The following ACSS3 variants were observed in gnomAD, a reference collection of about 807,000 sequenced individuals.
ACSS3 encodes acyl-CoA synthetase short chain family member 3.
ACSS3 carries 64 observed loss-of-function variants against 84.2 expected under a neutral mutation model. That is an observed-to-expected ratio of 0.76 (90% CI 0.62 to 0.94). ACSS3 has a LOEUF of 0.94. Ranked by LOEUF, ACSS3 falls within the 40% of genes least tolerant of loss-of-function variation. The pLI is 0.00. For synonymous variants in ACSS3, 317 were observed against 310.1 expected, an observed-to-expected ratio of 1.02 and a Z score of -0.23; for missense variants, 815 against 867.6, an observed-to-expected ratio of 0.94 and a Z score of 0.76.
intron 13 of ACSS3, among the ~76,000 whole-genome samples, chr12:81,236,678 T>C (rs1233001472): frequency 4.0e-5 from 6 of 151,472 alleles, no homozygotes; most frequent in Non-Finnish European, 7.4e-5. Flanking sequence ...TTATTCTTTT[T>C]GATTCTTCTC....
intron 1 of ACSS3, among the ~76,000 whole-genome samples, chr12:81,085,238 G>T (rs988591962): frequency 4.6e-5 from 7 of 152,170 alleles, no homozygotes; most frequent in African/African-American, 1.7e-4. Flanking sequence ...GAAACAGGTT[G>T]CAAAAGTCTC....
Position 81,169,914 on chromosome 12 carries a change from C to T in ACSS3, c.1099-4874C>T, listed in dbSNP as rs1458418398. Among the ~76,000 whole-genome samples, 6 of 152,086 alleles carry T rather than the reference C, an allele frequency of 3.9e-5. No homozygotes were observed. The East Asian group carries it at 1.2e-3, about 29-fold the overall frequency. ...CGATAAAGGATGCTGCTGTCTTCAC[C>T]TTAGAACTGCTGTGGAAACATTCCT... On this transcript the variant is annotated intron_variant, in intron 7 of 15. Coordinates refer to ENST00000548058, the MANE Select transcript of ACSS3 (RefSeq NM_024560.4).
At chr12:81,082,030 C>A (rs1350784215) in intron 1 of ACSS3, among the ~76,000 whole-genome samples, 2 of 152,222 alleles carry the variant, frequency 1.3e-5, no homozygotes, top group African/African-American at 4.8e-5. Context: ...ACTCACCACA[C>A]AGCAGCGTGA....
In ACSS3 at chr12:81,152,108, A is replaced by C; in HGVS notation, c.1098+12A>C. On this transcript the variant is annotated intron_variant, in intron 7 of 15. Transcript: ENST00000548058. Reference sequence around the variant, plus strand: ...CAGTTTTATATGAGGTAATAAAGTAAAGTTAATACCACATATAAATGATAT... The same window carrying C: ...CAGTTTTATATGAGGTAATAAAGTACAGTTAATACCACATATAAATGATAT... The C allele has an allele frequency of 6.3e-7, 1 of 1,582,824 alleles. No individual in the cohort carries two copies. Among genetic ancestry groups the C allele is most frequent in the Non-Finnish European group, 8.7e-7 (1 of 1,154,790 alleles).
In ACSS3 at chr12:81,259,743, C is replaced by T; in HGVS notation, c.*4821C>T. 1.6e-6 allele frequency: 2 copies of T among 1,228,606 alleles called. No individual in the cohort carries two copies. Among genetic ancestry groups the T allele is most frequent in the Non-Finnish European group, 2.3e-6 (2 of 874,616 alleles). 76.1% of individuals were successfully genotyped at this position (1,228,606 alleles called of 1,614,324 possible). On this transcript the variant is annotated 3_prime_UTR_variant, in exon 16 of 16. Transcript: ENST00000548058. ...ATTCTACTCCTCTGTGGTGTACCTC[C>T]ACGCAGCCTGCTTACTCCTGTCCTA...
chr12:81,128,452 A>G (rs1885261139), intron 2 of ACSS3, among the ~76,000 whole-genome samples: 1 of 152,124 alleles, frequency 6.6e-6, no homozygotes, highest in Non-Finnish European at 1.5e-5. Flanking sequence ...TAATTCACAC[A>G]TTGGTAGCAT....
chr12:81,247,984 T>C (rs2034037187), intron 13 of ACSS3, among the ~76,000 whole-genome samples: 1 of 152,070 alleles, frequency 6.6e-6, no homozygotes, highest in African/African-American at 2.4e-5. Context: ...ACTTTTCCAG[T>C]TTCCCTAAGT....
At chr12:81,248,042 A>G (rs1032770486) in intron 13 of ACSS3, among the ~76,000 whole-genome samples, 51 of 152,208 alleles carry the variant, frequency 3.4e-4, no homozygotes, top group African/African-American at 1.2e-3. Context: ...TGTGTAAGTT[A>G]TTGTTAGAAA....
At position 81,186,780 on chromosome 12, in the gene ACSS3, A is replaced by G. The variant is rs150066226; in HGVS notation, c.1250+11841A>G. On this transcript the variant is annotated intron_variant, in intron 8 of 15. Coordinates refer to ENST00000548058, the MANE Select transcript of ACSS3 (RefSeq NM_024560.4). ...CTTGAGAATGTAGATTGTTACAGCCATTTTAGAAAACAGTATGGAGGTTTC... is the reference window on the plus strand; with the variant it reads ...CTTGAGAATGTAGATTGTTACAGCCGTTTTAGAAAACAGTATGGAGGTTTC... Among the ~76,000 whole-genome samples the G allele has an allele frequency of 2.7e-3, 418 of 152,010 alleles. 4 individuals carry two copies. Among genetic ancestry groups the G allele is most frequent in the African/African-American group, 9.7e-3 (404 of 41,548 alleles).
chr12:81,243,763 G>A (rs1293343323), intron 13 of ACSS3, among the ~76,000 whole-genome samples: 2 of 152,060 alleles, frequency 1.3e-5, no homozygotes. Context: ...TTCCTCCCTT[G>A]TAGCTCTTGT....
intron 7 of ACSS3, among the ~76,000 whole-genome samples, chr12:81,157,896 A>C (rs1886960228): frequency 6.6e-6 from 1 of 151,796 alleles, no homozygotes; most frequent in African/African-American, 2.4e-5. Context: ...CTTTATTTGC[A>C]GATGGCATGA....
At chr12:81,171,447 T>G (rs1365603008) in intron 7 of ACSS3, among the ~76,000 whole-genome samples, 1 of 152,090 alleles carries the variant, frequency 6.6e-6, no homozygotes, top group Admixed American at 6.6e-5. Context: ...TAAGTTAATT[T>G]TAAATAGGAA....
intron 7 of ACSS3, among the ~76,000 whole-genome samples, chr12:81,164,687 A>G (rs1887317845): frequency 6.6e-6 from 1 of 152,170 alleles, no homozygotes; most frequent in South Asian, 2.1e-4. Context: ...TTTCACATGT[A>G]CACCTTCTGA....
At chr12:81,226,015 C>A (rs2033261475) in intron 11 of ACSS3, among the ~76,000 whole-genome samples, 1 of 151,918 alleles carries the variant, frequency 6.6e-6, no homozygotes, top group Admixed American at 6.6e-5. Flanking sequence ...ATATACATCT[C>A]CTTCCAATCG....
rs757357283 is a variant in ACSS3 at position 81,151,854 on chromosome 12, G to C, written c.932G>C (p.Arg311Thr). ...GTTGLPKGVI[R>T]PTGGYAVMLH... is the part of the protein sequence containing the mutation. ...TTTTTCTCTCCTTAGGGTGTGATTA[G>C]GCCCACTGGGGGATACGCTGTCATG... is the stretch of plus-strand genomic sequence containing the variant. Residue 311 changes from arginine (R) to threonine (T), a missense_variant, in exon 6 of 16, where the codon AGG becomes ACG. By Grantham distance (71) the Arg-to-Thr change is moderately conservative. Transcript: ENST00000548058. 9.9e-6 allele frequency: 16 copies of C among 1,613,290 alleles called. No homozygotes were observed. The highest frequency in any genetic ancestry group is 6.7e-5 in the Admixed American group (4 of 59,982).
At chr12:81,198,670 C>A (rs1024216775) in intron 8 of ACSS3, among the ~76,000 whole-genome samples, 1 of 151,048 alleles carries the variant, frequency 6.6e-6, no homozygotes, top group Admixed American at 6.6e-5. Context: ...TTTCCTATTT[C>A]GTTTTTTCCA....
At chr12:81,226,466 C>G (rs966897075) in intron 11 of ACSS3, among the ~76,000 whole-genome samples, 1 of 151,846 alleles carries the variant, frequency 6.6e-6, no homozygotes, top group Non-Finnish European at 1.5e-5. Flanking sequence ...GTGAGCATAT[C>G]AATATATCCA....
At chr12:81,095,951 C>T (rs928939772) in intron 1 of ACSS3, among the ~76,000 whole-genome samples, 1 of 152,200 alleles carries the variant, frequency 6.6e-6, no homozygotes, top group Non-Finnish European at 1.5e-5. Flanking sequence ...TTCACAAAAA[C>T]AATATCCCTA....
intron 8 of ACSS3, among the ~76,000 whole-genome samples, chr12:81,194,321 T>G (rs1485617586): frequency 2.0e-5 from 3 of 151,862 alleles, no homozygotes; most frequent in Non-Finnish European, 2.9e-5. Flanking sequence ...TTATTTAGAT[T>G]TGTATTCTGT....
Sources: allele counts gnomAD v4.1 joint callset (sites outside exome capture counted in the v4.1 genomes callset), GRCh38; gene constraint gnomAD v4.1.1; transcripts MANE v1.5; gene names NCBI Gene and HGNC (gene_info 2026-07-23, HGNC 2026-07-21).